The following EYS variants were observed in gnomAD, a reference collection of about 807,000 sequenced individuals.
EYS encodes the protein protein eyes shut homolog.
A neutral mutation model predicts 282.1 loss-of-function variants in EYS; 250 were observed. The observed-to-expected ratio is 0.89, with a 90% CI of 0.80 to 0.98. The LOEUF is 0.98. EYS is among the 50% of genes least tolerant of loss of function. The pLI, the probability that EYS is intolerant of heterozygous loss-of-function variation, is 0.00. For missense variants in EYS, 4,016 were observed against 3,709.0 expected (o/e 1.08, Z -2.15); for synonymous variants, 1,355 against 1,282.9 (o/e 1.06, Z -1.20).
intron 40 of EYS, among the ~76,000 whole-genome samples, chr6:63,765,523 ATAG>A (rs2149657894): frequency 6.6e-6 from 1 of 152,074 alleles, no homozygotes; most frequent in African/African-American, 2.4e-5. Context: ...TTGTGGGTAC[ATAG>A]TAGGTGTACA....
chr6:64,931,086 C>A (rs892154782), intron 15 of EYS, among the ~76,000 whole-genome samples: 1 of 152,088 alleles, frequency 6.6e-6, no homozygotes, highest in Admixed American at 6.6e-5. Flanking sequence ...TATGTTAACT[C>A]CAGTTGTTTA....
chr6:65,540,057 C>A (rs1486926622), intron 2 of EYS, among the ~76,000 whole-genome samples: 1 of 152,158 alleles, frequency 6.6e-6, no homozygotes, highest in Non-Finnish European at 1.5e-5. Flanking sequence ...TGTCTTTGCA[C>A]ACACTAAACA....
chr6:64,568,834 G>A (rs1211562669), intron 26 of EYS, among the ~76,000 whole-genome samples: 4 of 152,068 alleles, frequency 2.6e-5, no homozygotes, highest in Non-Finnish European at 5.9e-5. Flanking sequence ...ATACCTAGGC[G>A]AAGAGGGTCT....
At chr6:65,469,612 C>A (rs1765132716) in intron 5 of EYS, among the ~76,000 whole-genome samples, 3 of 151,926 alleles carry the variant, frequency 2.0e-5, no homozygotes, top group Non-Finnish European at 4.4e-5. Flanking sequence ...TAAAATTATT[C>A]TTCTCTGTAT....
Position 63,789,091 on chromosome 6 carries a change from A to T in EYS, c.7545T>A (p.His2515Gln). The change falls in exon 38 of 43, where the codon CAT (histidine) becomes CAA (glutamine). Residue 2515 changes from histidine (H) to glutamine (Q), a missense_variant. Coordinates refer to ENST00000503581, the MANE Select transcript of EYS (RefSeq NM_001142800.2). ...LNLSLGVHTV[H>Q]LGKFFQEGWL... ...AGCCCTCTTGGAAGAACTTGCCCAGATGAACAGTGTGGACTCCAAGGCTCA... is the reference window on the plus strand; with the variant it reads ...AGCCCTCTTGGAAGAACTTGCCCAGTTGAACAGTGTGGACTCCAAGGCTCA... 6.4e-7 allele frequency: 1 copy of T among 1,551,624 alleles called. No homozygotes were observed. Among genetic ancestry groups the T allele is most frequent in the South Asian group, 1.2e-5 (1 of 84,048 alleles).
At position 64,960,866 on chromosome 6, in the gene EYS, TC is replaced by T. The variant is rs1012649435; in HGVS notation, c.2260-14953del. ...TGTTCCCCTCTATGTGTCCATGTGGTCTCATCATTTAGCTCCCATTGACACA... is the reference window on the plus strand; with the variant it reads ...TGTTCCCCTCTATGTGTCCATGTGGTTCATCATTTAGCTCCCATTGACACA... On this transcript the variant is annotated intron_variant, in intron 14 of 42. Transcript: ENST00000503581. 9.1e-4 allele frequency among the ~76,000 whole-genome samples: 138 copies of T among 152,184 alleles called. 1 individual carries two copies. The highest frequency in any genetic ancestry group is 9.0e-3 in the Admixed American group (138 of 15,276).
At chr6:64,867,091 A>T (rs901653027) in intron 19 of EYS, among the ~76,000 whole-genome samples, 2 of 151,992 alleles carry the variant, frequency 1.3e-5, no homozygotes, top group African/African-American at 4.8e-5. Context: ...CATAGCTATC[A>T]TTCAATAAAT....
intron 29 of EYS, among the ~76,000 whole-genome samples, chr6:64,381,063 A>G (rs1398828776): frequency 1.3e-5 from 2 of 152,090 alleles, no homozygotes; most frequent in African/African-American, 4.8e-5. Context: ...TACATGTATA[A>G]TACCCACAGG....
Position 64,765,345 on chromosome 6 carries a change from G to T in EYS, c.3443+48033C>A, listed in dbSNP as rs1217712441. Among the ~76,000 whole-genome samples, 5 of 152,090 alleles carry T rather than the reference G, an allele frequency of 3.3e-5. No individual in the cohort carries two copies. In the East Asian group the frequency reaches 9.7e-4, roughly 29 times the overall value. On this transcript the variant is annotated intron_variant, in intron 22 of 42. Transcript: ENST00000503581. ...TTGTCCATATCACTAGCACCATTTTGGTCAAAGCCATGCCACAAGACTCTA... is the reference window on the plus strand; with the variant it reads ...TTGTCCATATCACTAGCACCATTTTTGTCAAAGCCATGCCACAAGACTCTA...
rs1430910293 is a variant in EYS at position 64,356,109 on chromosome 6, A to AT, written c.6078+32580dup. Among the ~76,000 whole-genome samples, 12 of 151,666 alleles carry AT rather than the reference A, an allele frequency of 7.9e-5. No individual in the cohort carries two copies. In the East Asian group the frequency reaches 2.3e-3, roughly 30 times the overall value. Reference sequence around the variant, plus strand: ...ATATTATCTAAATATAAATTATAAAATTTTTTAAAATTACATGTGGGGGGC... The same window carrying AT: ...ATATTATCTAAATATAAATTATAAAATTTTTTTAAAATTACATGTGGGGGGC... On this transcript the variant is annotated intron_variant, in intron 29 of 42. Transcript: ENST00000503581.
chr6:65,397,539 A>G (rs967976039), intron 7 of EYS, among the ~76,000 whole-genome samples: 5 of 151,358 alleles, frequency 3.3e-5, no homozygotes, highest in African/African-American at 1.2e-4. Flanking sequence ...GTGCTACTGC[A>G]AAGACATGAT....
intron 33 of EYS, among the ~76,000 whole-genome samples, chr6:64,032,375 AT>A (rs755771955): frequency 1.3e-4 from 20 of 152,332 alleles, no homozygotes; most frequent in African/African-American, 4.3e-4. Context: ...ATGACAAATG[AT>A]TTTGAGCACT....
At chr6:64,635,922 G>T (rs1358438591) in intron 22 of EYS, among the ~76,000 whole-genome samples, 1 of 152,052 alleles carries the variant, frequency 6.6e-6, no homozygotes, top group East Asian at 1.9e-4. Flanking sequence ...TTGTACCTCT[G>T]GTAGAATCTG....
At chr6:65,442,641 G>A (rs955102926) in intron 5 of EYS, among the ~76,000 whole-genome samples, 2 of 151,476 alleles carry the variant, frequency 1.3e-5, no homozygotes, top group African/African-American at 4.8e-5. Flanking sequence ...ATAGTCCCAG[G>A]TATCTGGGTG....
At chr6:65,268,574 T>C (rs371156879) in intron 12 of EYS, among the ~76,000 whole-genome samples, 2 of 152,040 alleles carry the variant, frequency 1.3e-5, no homozygotes, top group Non-Finnish European at 2.9e-5. Context: ...GGGAGAATAA[T>C]AGAAATGGTT....
chr6:64,061,633 A>T (rs964748835), intron 33 of EYS, among the ~76,000 whole-genome samples: 1 of 152,224 alleles, frequency 6.6e-6, no homozygotes, highest in Non-Finnish European at 1.5e-5. Context: ...AATAATAGCT[A>T]ATAACAAAAA....
At chr6:64,830,800 G>T (rs1366923526) in intron 19 of EYS, among the ~76,000 whole-genome samples, 2 of 151,674 alleles carry the variant, frequency 1.3e-5, no homozygotes, top group Non-Finnish European at 2.9e-5. Flanking sequence ...AATAGATAAA[G>T]TAATGAGCAT....
chr6:64,859,840 A>G (rs563389580), intron 19 of EYS, among the ~76,000 whole-genome samples: 1 of 152,336 alleles, frequency 6.6e-6, no homozygotes, highest in South Asian at 2.1e-4. Flanking sequence ...TAATATTGTG[A>G]AAATGTTCAT....
At chr6:64,834,765 A>G (rs771738322) in intron 19 of EYS, among the ~76,000 whole-genome samples, 18 of 151,822 alleles carry the variant, frequency 1.2e-4, no homozygotes, top group African/African-American at 1.7e-4. Flanking sequence ...ACCAGGTGAA[A>G]TAAAATGTTA....
Sources: gnomAD v4.1 joint callset for allele counts (sites outside exome capture counted in the v4.1 genomes callset) on GRCh38, gnomAD v4.1.1 for gene constraint, MANE v1.5 for transcripts, NCBI Gene and HGNC (gene_info 2026-07-23, HGNC 2026-07-21) for gene names.